The following HYCC1 variants were observed in gnomAD, a reference collection of about 807,000 sequenced individuals.
HYCC1 encodes the protein hyccin.
chr7:22,960,729 A>C, the HYCC1 span, among the ~76,000 whole-genome samples: 1 of 152,240 alleles, frequency 6.6e-6, no homozygotes, highest in Non-Finnish European at 1.5e-5. Flanking sequence ...AAAGACAGTT[A>C]GGTGTCTAGG....
chr7:22,954,196 G>A, the HYCC1 span, among the ~76,000 whole-genome samples: 1 of 150,862 alleles, frequency 6.6e-6, no homozygotes, highest in Non-Finnish European at 1.5e-5. Flanking sequence ...GTAATATCTA[G>A]AAAGACAACC....
At chr7:22,925,660 C>T in the HYCC1 span, among the ~76,000 whole-genome samples, 1 of 152,112 alleles carries the variant, frequency 6.6e-6, no homozygotes, top group African/African-American at 2.4e-5. Context: ...CGAACAAATC[C>T]TCCAAGAAAT....
the HYCC1 span, among the ~76,000 whole-genome samples, chr7:22,962,871 C>G: frequency 1.3e-5 from 2 of 149,818 alleles, no homozygotes; most frequent in Admixed American, 6.7e-5. Flanking sequence ...AGAAACCTAT[C>G]TGCAGTGGAG....
chr7:22,987,323 G>T, the HYCC1 span, among the ~76,000 whole-genome samples: 1 of 152,218 alleles, frequency 6.6e-6, no homozygotes, highest in Admixed American at 6.5e-5. Flanking sequence ...CAAGGCAAGC[G>T]GATAACTTGA....
the HYCC1 span, among the ~76,000 whole-genome samples, chr7:22,987,730 C>A: frequency 6.6e-6 from 1 of 152,080 alleles, no homozygotes; most frequent in African/African-American, 2.4e-5. Context: ...AAACCACTTA[C>A]AGTACTTTAA....
the HYCC1 span, chr7:22,946,184 G>C: frequency 1.6e-5 from 25 of 1,594,556 alleles, no homozygotes; most frequent in South Asian, 2.4e-4. Flanking sequence ...AAATGACAAA[G>C]ATTAATTAAC....
the HYCC1 span, among the ~76,000 whole-genome samples, chr7:22,904,956 A>T: frequency 6.6e-6 from 1 of 152,130 alleles, no homozygotes. Flanking sequence ...GGCATCCACA[A>T]GACTCCTGGT....
chr7:22,969,289 C>T, the HYCC1 span, among the ~76,000 whole-genome samples: 1 of 150,720 alleles, frequency 6.6e-6, no homozygotes, highest in East Asian at 2.0e-4. Flanking sequence ...ACTCTCATGC[C>T]CCAGCCTCCC....
the HYCC1 span, among the ~76,000 whole-genome samples, chr7:23,006,109 T>C: frequency 1.4e-4 from 22 of 152,256 alleles, no homozygotes; most frequent in African/African-American, 4.6e-4. Flanking sequence ...GAGGGTCAGA[T>C]TGTCCCCATA....
the HYCC1 span, among the ~76,000 whole-genome samples, chr7:23,004,894 C>T: frequency 6.6e-6 from 1 of 152,128 alleles, no homozygotes; most frequent in African/African-American, 2.4e-5. Context: ...CAACCAGTGC[C>T]TCCCGGGTTC....
chr7:22,939,350 T>G, the HYCC1 span: 1 of 152,174 alleles, frequency 6.6e-6, no homozygotes, highest in Non-Finnish European at 1.5e-5. Context: ...TGCCCACCAA[T>G]TCATTTGTAC....
the HYCC1 span, among the ~76,000 whole-genome samples, chr7:23,003,551 A>G: frequency 1.3e-5 from 2 of 152,226 alleles, no homozygotes; most frequent in African/African-American, 4.8e-5. Context: ...CAAACATAAC[A>G]GCATATGGAA....
chr7:22,988,793 T>TC, the HYCC1 span, among the ~76,000 whole-genome samples: 1 of 152,216 alleles, frequency 6.6e-6, no homozygotes, highest in Non-Finnish European at 1.5e-5. Flanking sequence ...TTTACTTATT[T>TC]CTTCAATCAA....
the HYCC1 span, among the ~76,000 whole-genome samples, chr7:22,953,818 A>C: frequency 6.6e-6 from 1 of 151,796 alleles, no homozygotes; most frequent in African/African-American, 2.4e-5. Flanking sequence ...CTGTTCCTCA[A>C]ATAGCATTTT....
the HYCC1 span, among the ~76,000 whole-genome samples, chr7:22,955,364 T>C: frequency 2.6e-5 from 4 of 151,580 alleles, no homozygotes; most frequent in African/African-American, 9.7e-5. Flanking sequence ...CTTTATGTAG[T>C]GCTTTAAAGT....
At chr7:22,961,878 TGA>T in the HYCC1 span, among the ~76,000 whole-genome samples, 3 of 151,952 alleles carry the variant, frequency 2.0e-5, no homozygotes, top group East Asian at 5.8e-4. Context: ...TGTGCATGTG[TGA>T]GTGTGTGTGT....
At chr7:22,974,431 T>C in the HYCC1 span, among the ~76,000 whole-genome samples, 2 of 152,182 alleles carry the variant, frequency 1.3e-5, no homozygotes, top group Non-Finnish European at 2.9e-5. Flanking sequence ...AGTCCGGACA[T>C]TTCTGCCTTT....
chr7:22,938,125 A>G, the HYCC1 span: 1 of 152,238 alleles, frequency 6.6e-6, no homozygotes, highest in Admixed American at 6.5e-5. Context: ...AGGAAAGATA[A>G]GATTACAAAC....
chr7:23,014,109 C>T, the HYCC1 span: 1 of 469,646 alleles, frequency 2.1e-6, no homozygotes, highest in Non-Finnish European at 4.4e-6. Context: ...CCGGGAGAGC[C>T]ACCACTGCCG....
Sources: gnomAD v4.1 joint callset for allele counts (sites outside exome capture counted in the v4.1 genomes callset) on GRCh38, gnomAD v4.1.1 for gene constraint, MANE v1.5 for transcripts, NCBI Gene and HGNC (gene_info 2026-07-23, HGNC 2026-07-21) for gene names.